The following NOSTRIN variants were observed in gnomAD, a reference collection of about 807,000 sequenced individuals.
The protein encoded by NOSTRIN is BM247 homolog.
Under a neutral mutation model 59.0 loss-of-function variants are expected in NOSTRIN, and 63 were observed. The ratio of observed to expected loss-of-function variants is 1.07; its 90% CI spans 0.87 to 1.32. The LOEUF is 1.32. Ranked by LOEUF, NOSTRIN falls within the 40% of genes most tolerant of loss-of-function variation. The probability of loss-of-function intolerance (pLI) is 0.00; values close to 1 mark genes in which losing one functional copy is unlikely to be tolerated. For missense variants in NOSTRIN, 512 were observed against 473.1 expected (o/e 1.08, Z -0.76); for synonymous variants, 200 against 165.4 (o/e 1.21, Z -1.61).
At chr2:168,817,774 A>AT (rs1295633584) in intron 2 of NOSTRIN, among the ~76,000 whole-genome samples, 2 of 152,156 alleles carry the variant, frequency 1.3e-5, no homozygotes, top group African/African-American at 4.8e-5. Flanking sequence ...CTATTTCAGC[A>AT]TTTTTTATAC....
chr2:168,834,507 G>GCACGCGCGCACACA (rs1553527196), intron 7 of NOSTRIN, among the ~76,000 whole-genome samples, 182 bp downstream of exon 7: 5 of 125,342 alleles, frequency 4.0e-5, no homozygotes, highest in Admixed American at 2.3e-4. Context: ...GCGCGCGCGC[G>GCACGCGCGCACACA]CACACACACA....
At chr2:168,791,089 C>G (rs979600892) in intron 2 of NOSTRIN, among the ~76,000 whole-genome samples, 2 of 151,888 alleles carry the variant, frequency 1.3e-5, no homozygotes, top group African/African-American at 4.8e-5. Context: ...TGTGCTGCAC[C>G]CATTAACTCA....
intron 15 of NOSTRIN, among the ~76,000 whole-genome samples, chr2:168,864,531 C>T (rs1183437991): frequency 6.6e-6 from 1 of 152,148 alleles, no homozygotes; most frequent in African/African-American, 2.4e-5. Context: ...GTGATCCACC[C>T]ACCTTGGCCT....
intron 15 of NOSTRIN, 29 bp from the exon 16 acceptor site, chr2:168,864,805 G>C (rs1388354015): frequency 1.6e-5 from 25 of 1,612,636 alleles, no homozygotes; most frequent in Non-Finnish European, 2.1e-5. Flanking sequence ...ACATCACAGA[G>C]ACCCATTTGT....
In NOSTRIN at chr2:168,864,939, C is replaced by T. The variant is rs1689768533; in HGVS notation, c.1490C>T (p.Ser497Leu). 6.2e-7 allele frequency: 1 copy of T among 1,613,972 alleles called. No homozygotes were observed. The highest frequency in any genetic ancestry group is 8.5e-7 in the Non-Finnish European group (1 of 1,180,008). The change falls in exon 16 of 16, where the codon TCA (serine) becomes TTA (leucine). Residue 497 changes from serine to leucine, a missense_variant. Ser to Leu is a moderately radical substitution (Grantham distance 145). Transcript: ENST00000317647. ...GCCGCTTATGTGGAGGAGTTACCTT[C>T]AAATGCTGGCAACACAGCTACAAAG... ...FPAAYVEELP[S>L]NAGNTATKA
intron 6 of NOSTRIN, among the ~76,000 whole-genome samples, chr2:168,833,870 C>T (rs982723787): frequency 3.3e-5 from 5 of 152,198 alleles, no homozygotes; most frequent in Non-Finnish European, 7.3e-5. Flanking sequence ...TCTGTGTTTG[C>T]TGTGATATCT....
intron 1 of NOSTRIN, among the ~76,000 whole-genome samples, chr2:168,808,306 T>A (rs1685967681): frequency 6.6e-6 from 1 of 152,216 alleles, no homozygotes. Context: ...GTGGTGATGG[T>A]GGACTGGTAG....
intron 2 of NOSTRIN, among the ~76,000 whole-genome samples, chr2:168,821,293 G>A (rs773371532): frequency 2.6e-5 from 4 of 152,132 alleles, no homozygotes; most frequent in Non-Finnish European, 2.9e-5. Context: ...CTCTAACATC[G>A]GGGCTGAGCA....
rs1390306674 is a variant in NOSTRIN at position 168,828,424 on chromosome 2, C to G, written c.265C>G (p.Leu89Val). Residue 89 changes from leucine (L) to valine (V), a missense_variant, in exon 5 of 16, where the codon CTT becomes GTT. Coordinates refer to ENST00000317647, the MANE Select transcript of NOSTRIN (RefSeq NM_001039724.4). ...TCTTTTATGTTTTATTTCCAGAAAA[C>G]TTGGCAAAGCAATTGAATTGGAAGC... ...MKSTADLHQK[L>V]GKAIELEAIK... 2 of 870,276 alleles carry G rather than the reference C, an allele frequency of 2.3e-6. No homozygotes were observed. The highest frequency in any genetic ancestry group is 3.4e-5 in the Admixed American group (2 of 58,544). The allele number at this position is 870,276 out of a possible 1,614,324, so 53.9% of individuals were successfully genotyped here. A position where few individuals can be genotyped will look rare whatever the true frequency, so the allele number is the denominator to read the frequency against.
Position 168,851,091 on chromosome 2 carries a change from TG to T in NOSTRIN, c.640del (p.Glu214SerfsTer14). 1 of 1,507,584 alleles carries T rather than the reference TG, an allele frequency of 6.6e-7. No individual in the cohort carries two copies. The highest frequency in any genetic ancestry group is 9.2e-7 in the Non-Finnish European group (1 of 1,082,656). 93.4% of individuals were successfully genotyped at this position (1,507,584 alleles called of 1,614,324 possible). On this transcript the variant is annotated frameshift_variant, in exon 9 of 16. Coordinates refer to ENST00000317647, the MANE Select transcript of NOSTRIN (RefSeq NM_001039724.4). LOFTEE classifies it high-confidence loss of function. ...AATTTTCATTCTTTTCAGAGCATTC[TG>T]GAGCTGGAGAAGGAAAGAATTCAAC... Reference protein sequence around the residue: ...NTLENCYQSILELEKERIQLL... With the variant: ...NTLENCYQSIXELEKERIQLL...
upstream of NOSTRIN, among the ~76,000 whole-genome samples, chr2:168,797,233 G>C (rs760308065): frequency 6.6e-6 from 1 of 151,762 alleles, no homozygotes; most frequent in South Asian, 2.1e-4. Flanking sequence ...GGGACTACAG[G>C]TACGTACCAC....
intron 2 of NOSTRIN, among the ~76,000 whole-genome samples, chr2:168,819,331 T>C (rs1164129389): frequency 6.6e-6 from 1 of 152,202 alleles, no homozygotes; most frequent in East Asian, 1.9e-4. Flanking sequence ...AGGATACATA[T>C]ACTGCCTCAT....
Position 168,855,423 on chromosome 2 carries a change from G to T in NOSTRIN, c.927G>T (p.Leu309=), listed in dbSNP as rs1689020088. ...TACTAAAACCAAAATTATTGAGACT[G>T]CAGAGAGACATTGAAAAAGCCTCAA... The part of the protein sequence containing the change: ...KSLLKPKLLR[L]QRDIEKASKD... The change falls in exon 11 of 16, where the codon CTG becomes CTT. Residue 309 remains leucine (L), a synonymous_variant. Transcript: ENST00000317647. The T allele has an allele frequency of 6.2e-7, 1 of 1,610,792 alleles. No individual in the cohort carries two copies. Among genetic ancestry groups the T allele is most frequent in the Admixed American group, 1.7e-5 (1 of 59,852 alleles).
intron 2 of NOSTRIN, among the ~76,000 whole-genome samples, chr2:168,792,247 G>A (rs1685376333): frequency 1.3e-5 from 2 of 152,066 alleles, no homozygotes; most frequent in African/African-American, 4.8e-5. Context: ...AAATGAGGAT[G>A]CCATCTATGA....
intron 8 of NOSTRIN, among the ~76,000 whole-genome samples, chr2:168,844,646 G>A (rs973174051): frequency 6.6e-6 from 1 of 152,086 alleles, no homozygotes; most frequent in Admixed American, 6.5e-5. Flanking sequence ...AGAGGCGGGC[G>A]GATCAAGAGG....
intron 1 of NOSTRIN, among the ~76,000 whole-genome samples, chr2:168,809,772 A>G (rs1686041074): frequency 6.7e-6 from 1 of 148,566 alleles, no homozygotes; most frequent in Admixed American, 6.7e-5. Flanking sequence ...TAAAAAATAA[A>G]TAATAAAAAT....
intron 2 of NOSTRIN, among the ~76,000 whole-genome samples, chr2:168,788,422 A>C (rs1399064486): frequency 6.6e-6 from 1 of 152,152 alleles, no homozygotes; most frequent in Non-Finnish European, 1.5e-5. Context: ...ATGGGAGCCA[A>C]ATTGGGCATG....
At chr2:168,821,623 A>T (rs1443390875) in intron 2 of NOSTRIN, among the ~76,000 whole-genome samples, 1 of 152,252 alleles carries the variant, frequency 6.6e-6, no homozygotes, top group Non-Finnish European at 1.5e-5. Flanking sequence ...CATAAATAAA[A>T]CTGTAAGGGG....
intron 2 of NOSTRIN, among the ~76,000 whole-genome samples, chr2:168,791,515 C>G (rs1445027998): frequency 6.6e-6 from 1 of 152,166 alleles, no homozygotes; most frequent in Admixed American, 6.6e-5. Flanking sequence ...CCAGTAATGG[C>G]ATGGCTGGGT....
Sources: gnomAD v4.1 joint callset for allele counts (sites outside exome capture counted in the v4.1 genomes callset) on GRCh38, gnomAD v4.1.1 for gene constraint, MANE v1.5 for transcripts, NCBI Gene and HGNC (gene_info 2026-07-23, HGNC 2026-07-21) for gene names.